Variants in CNNM3 observed in about 807,000 individuals in gnomAD.
CNNM3 encodes the protein metal transporter CNNM3.
In CNNM3, 47 loss-of-function variants were observed where a neutral mutation model predicts 57.1. The observed-to-expected ratio is 0.82, with a 90% CI of 0.65 to 1.05. CNNM3 has a LOEUF of 1.05. Among genes scored for constraint, CNNM3 ranks in the 50% least tolerant of loss-of-function variants. The pLI is 0.00. For missense variants in CNNM3, 957 were observed against 973.7 expected (o/e 0.98, Z 0.23); for synonymous variants, 507 against 478.2 (o/e 1.06, Z -0.79).
intron 1 of CNNM3, among the ~76,000 whole-genome samples, chr2:96,822,562 A>G (rs1354315775): frequency 2.0e-5 from 3 of 152,126 alleles, no homozygotes; most frequent in South Asian, 2.1e-4. Flanking sequence ...CTCCCAGCTC[A>G]GCTTCCCAAA....
At chr2:96,837,363 C>T (rs1045767865), downstream of CNNM3, 1 of 152,168 alleles carries the variant, frequency 6.6e-6, no homozygotes, top group Non-Finnish European at 1.5e-5. Flanking sequence ...TCTTTGATTT[C>T]ATCACGTTTT....
Position 96,831,145 on chromosome 2 carries a change from C to T in CNNM3, c.2060-1407C>T, listed in dbSNP as rs529224601. Among the ~76,000 whole-genome samples the T allele has an allele frequency of 6.7e-4, 102 of 152,288 alleles. 1 individual carries two copies. The highest frequency in any genetic ancestry group is 3.4e-3 in the Middle Eastern group (1 of 294). On this transcript the variant is annotated intron_variant, in intron 7 of 7. Transcript: ENST00000305510. ...TTGATAGTGGCTTTGTGGGTCATTTCCTCTTTGTAATGGATTATTCTCTAG... is the reference window on the plus strand; with the variant it reads ...TTGATAGTGGCTTTGTGGGTCATTTTCTCTTTGTAATGGATTATTCTCTAG...
At chr2:96,826,794 G>C in intron 2 of CNNM3, 39 bp from the exon 3 acceptor site, 1 of 1,611,438 alleles carries the variant, frequency 6.2e-7, no homozygotes, top group Non-Finnish European at 8.5e-7. Flanking sequence ...TGACTGACAG[G>C]TGGCTGATGC....
rs1250325560 is a variant in CNNM3 at position 96,826,919 on chromosome 2, G to A, written c.1456G>A (p.Asp486Asn). 3 of 1,614,218 alleles carry A rather than the reference G, an allele frequency of 1.9e-6. No individual in the cohort carries two copies. The highest frequency in any genetic ancestry group is 2.5e-6 in the Non-Finnish European group (3 of 1,180,050). ...GTTCTCCTTGTTCAAGGTGTCTGAT[G>A]ATGAATATAAAGTAACAATCTCGCC... ...EEFSLFKVSD[D>N]EYKVTISPQL... Residue 486 changes from aspartate (D) to asparagine (N), a missense_variant, in exon 3 of 8, where the codon GAT becomes AAT. Physicochemically the swap from Asp to Asn is conservative, Grantham distance 23. This residue lies in a region of CNNM3 where 491 missense variants were observed against 570.6 expected (regional missense o/e 0.86). Transcript: ENST00000305510.
downstream of CNNM3, among the ~76,000 whole-genome samples, chr2:96,835,907 A>G (rs954456197): frequency 2.6e-5 from 4 of 151,848 alleles, no homozygotes; most frequent in African/African-American, 9.7e-5. Flanking sequence ...GTGGTTTTTC[A>G]TTTGCATTTC....
intron 1 of CNNM3, among the ~76,000 whole-genome samples, chr2:96,818,607 A>C (rs893933444): frequency 3.1e-4 from 47 of 151,972 alleles, no homozygotes; most frequent in African/African-American, 1.1e-3. Flanking sequence ...CCACATTTTC[A>C]TCCCTCCCTT....
Position 96,832,606 on chromosome 2 carries a change from C to T in CNNM3, c.2114C>T (p.Pro705Leu), listed in dbSNP as rs778788180. 37 of 1,613,980 alleles carry T rather than the reference C, an allele frequency of 2.3e-5. No individual in the cohort carries two copies. The highest frequency in any genetic ancestry group is 3.1e-5 in the Non-Finnish European group (36 of 1,180,036). ...VPVEGSPGRN[P>L]GV ...GTGGAAGGCAGCCCTGGGCGGAACC[C>T]AGGCGTTTAACGGCTCACTAGGCAG... Residue 705 changes from proline to leucine, a missense_variant, in exon 8 of 8, where the codon CCA becomes CTA. Pro to Leu is a moderately conservative substitution (Grantham distance 98). Transcript: ENST00000305510.
chr2:96,832,679 G>C lies in CNNM3; in HGVS notation c.*63G>C, dbSNP rs1007315937. 18 of 1,602,934 alleles carry C rather than the reference G, an allele frequency of 1.1e-5. 1 individual carries two copies. In the South Asian group the frequency reaches 1.8e-4, roughly 16 times the overall value. ...AGCACGTGGGGAGCTGGAGTGAGCT[G>C]AGCAGAAGTTTTGTGCCCGCCTGCC... On this transcript the variant is annotated 3_prime_UTR_variant, in exon 8 of 8. Coordinates refer to ENST00000305510, the MANE Select transcript of CNNM3 (RefSeq NM_017623.5).
intron 3 of CNNM3, among the ~76,000 whole-genome samples, 199 bp downstream of exon 3, chr2:96,827,181 G>C (rs2079522319): frequency 6.6e-6 from 1 of 152,172 alleles, no homozygotes; most frequent in Admixed American, 6.5e-5. Context: ...CCAAGAGCAG[G>C]GCCAGGCCAG....
intron 2 of CNNM3, among the ~76,000 whole-genome samples, chr2:96,826,461 G>A (rs191637927): frequency 1.3e-5 from 2 of 152,180 alleles, no homozygotes; most frequent in African/African-American, 2.4e-5. Flanking sequence ...TGATCCTCCC[G>A]CCTCAGCCTC....
rs200861617 is a variant in CNNM3, at chr2:96,825,019, G to C, written c.1226-39G>C. The C allele has an allele frequency of 1.1e-3, 1,834 of 1,609,462 alleles. 3 individuals carry two copies. The highest frequency in any genetic ancestry group is 1.5e-3 in the Non-Finnish European group (1,717 of 1,178,678). On this transcript the variant is annotated intron_variant, in intron 1 of 7. Coordinates refer to ENST00000305510, the MANE Select transcript of CNNM3 (RefSeq NM_017623.5). ...AGGGGAGATGAATCAAACTGGGGGG[G>C]GCCCAGCAAGCTGTTCCATGAGTGT...
chr2:96,828,498 T>A, intron 5 of CNNM3, 69 bp from the exon 6 acceptor site: 1 of 1,594,442 alleles, frequency 6.3e-7, no homozygotes. Flanking sequence ...TGTACAGTTG[T>A]CCCCACCAGG....
intron 7 of CNNM3, chr2:96,829,409 T>C (rs929171799): frequency 1.4e-5 from 3 of 210,802 alleles, no homozygotes; most frequent in Non-Finnish European, 2.5e-5. Flanking sequence ...CAAGCAGTTC[T>C]CCTGTCTCAG....
rs947188244 is a variant in CNNM3 at position 96,831,871 on chromosome 2, G to A, written c.2060-681G>A. On this transcript the variant is annotated intron_variant, in intron 7 of 7. Transcript: ENST00000305510. ...AGCTCTCCCTCAGCTTCCCCTGCCC[G>A]GGGCACCGGCCCTCTCCATGGTGCT... 25 of 588,204 alleles carry A rather than the reference G, an allele frequency of 4.3e-5. No homozygotes were observed. The East Asian group carries it at 4.3e-4, about 10-fold the overall frequency. 36.4% of individuals were successfully genotyped at this position (588,204 alleles called of 1,614,324 possible).
chr2:96,827,053 C>T (rs1008237545), intron 3 of CNNM3, 71 bp downstream of exon 3: 38 of 1,535,662 alleles, frequency 2.5e-5, no homozygotes, highest in South Asian at 2.3e-4. Flanking sequence ...CGCCCAGGGC[C>T]GACACTGACT....
In CNNM3 at chr2:96,817,508, G is replaced by A. The variant is rs767562544; in HGVS notation, c.1225+6G>A. 9.3e-6 allele frequency: 15 copies of A among 1,606,986 alleles called. No individual in the cohort carries two copies. The Admixed American group carries it at 1.0e-4, about 11-fold the overall frequency. On this transcript the variant is annotated splice_donor_region_variant and intron_variant, in intron 1 of 7. Coordinates refer to ENST00000305510, the MANE Select transcript of CNNM3 (RefSeq NM_017623.5). Reference sequence around the variant, plus strand: ...CCTGGAGGAATTCAAGCGAGGTAACGGCCCGGGCATGGTGCAGGGGACGCC... The same window carrying A: ...CCTGGAGGAATTCAAGCGAGGTAACAGCCCGGGCATGGTGCAGGGGACGCC...
chr2:96,818,148 C>G (rs1055298729), intron 1 of CNNM3, among the ~76,000 whole-genome samples: 6 of 152,246 alleles, frequency 3.9e-5, no homozygotes, highest in African/African-American at 7.2e-5. Flanking sequence ...GTGCAGTGGC[C>G]GATCTCTTAT....
intron 7 of CNNM3, chr2:96,832,330 G>A (rs993711699): frequency 4.6e-5 from 45 of 985,238 alleles, no homozygotes; most frequent in Non-Finnish European, 5.3e-5. Context: ...GACCCTCGGG[G>A]CCAGAAATCC....
chr2:96,820,314 C>T (rs933570301), intron 1 of CNNM3, among the ~76,000 whole-genome samples: 13 of 152,134 alleles, frequency 8.5e-5, no homozygotes, highest in African/African-American at 2.4e-4. Flanking sequence ...TGTGTGGTGG[C>T]GGTGCGCCTT....
Sources: gnomAD v4.1 joint callset for allele counts (sites outside exome capture counted in the v4.1 genomes callset) on GRCh38, gnomAD v4.1.1 for gene constraint, gnomAD v4.1.1 regional missense constraint, MANE v1.5 for transcripts, NCBI Gene and HGNC (gene_info 2026-07-23, HGNC 2026-07-21) for gene names.